Variants in CTDSPL2 observed in about 807,000 individuals in gnomAD.
CTDSPL2 encodes the protein CTD small phosphatase like 2.
In CTDSPL2, 5 loss-of-function variants were observed where a neutral mutation model predicts 60.0. The observed-to-expected ratio is 0.08, with a 90% CI of 0.04 to 0.18. The LOEUF (loss-of-function observed/expected upper bound fraction) is 0.18, where lower values mean the gene tolerates loss of function less well. Among genes scored for constraint, CTDSPL2 ranks in the 10% least tolerant of loss-of-function variants. The probability of loss-of-function intolerance (pLI) is 1.00; values close to 1 mark genes in which losing one functional copy is unlikely to be tolerated. For synonymous variants in CTDSPL2, 186 were observed against 189.3 expected (o/e 0.98, Z 0.14); for missense variants, 370 against 548.8 (o/e 0.67, Z 3.26).
intron 2 of CTDSPL2, among the ~76,000 whole-genome samples, chr15:44,468,338 A>G (rs909737063): frequency 3.3e-5 from 5 of 151,032 alleles, no homozygotes; most frequent in African/African-American, 1.2e-4. Flanking sequence ...GTATTTATTA[A>G]TTTAATACTG....
rs117195420 is a variant in CTDSPL2, at chr15:44,498,478, C to T, written c.883-1249C>T. 2.6e-3 allele frequency among the ~76,000 whole-genome samples: 396 copies of T among 152,196 alleles called. 7 individuals carry two copies. The East Asian group carries it at 0.033, about 13-fold the overall frequency. On this transcript the variant is annotated intron_variant, in intron 7 of 12. Coordinates refer to ENST00000260327, the MANE Select transcript of CTDSPL2 (RefSeq NM_016396.3). The stretch of plus-strand genomic sequence containing the variant: ...TTGCAAGCGTGTAGTCCCAGCTACT[C>T]GGGAGGCCGAGAGAGGAGGATCCCT...
At chr15:44,445,660 T>C (rs1377270623) in intron 1 of CTDSPL2, among the ~76,000 whole-genome samples, 3 of 151,310 alleles carry the variant, frequency 2.0e-5, no homozygotes, top group Non-Finnish European at 4.4e-5. Flanking sequence ...TTTTTTGAGA[T>C]GGAGTCTCGC....
At chr15:44,515,120 G>T (rs551107408) in intron 10 of CTDSPL2, among the ~76,000 whole-genome samples, 8 of 152,176 alleles carry the variant, frequency 5.3e-5, no homozygotes, top group South Asian at 2.1e-4. Context: ...GGTTGGGGGG[G>T]TTGTGTGGAA....
intron 1 of CTDSPL2, among the ~76,000 whole-genome samples, chr15:44,441,402 T>C (rs1273234842): frequency 6.6e-6 from 1 of 152,196 alleles, no homozygotes; most frequent in African/African-American, 2.4e-5. Flanking sequence ...AGAGGAGGGC[T>C]CTCTTCAGTC....
intron 2 of CTDSPL2, among the ~76,000 whole-genome samples, chr15:44,474,355 G>C (rs1398909016): frequency 1.3e-5 from 2 of 152,182 alleles, no homozygotes. Flanking sequence ...GCTGGGCATG[G>C]TGGTACACGC....
intron 8 of CTDSPL2, among the ~76,000 whole-genome samples, chr15:44,510,196 A>G (rs966298857): frequency 6.6e-6 from 1 of 151,930 alleles, no homozygotes; most frequent in Admixed American, 6.6e-5. Context: ...CAGGGTTTCA[A>G]CATGTTAGTC....
intron 1 of CTDSPL2, among the ~76,000 whole-genome samples, chr15:44,443,220 A>G (rs968322928): frequency 3.3e-5 from 5 of 152,208 alleles, no homozygotes; most frequent in Non-Finnish European, 1.5e-5. Flanking sequence ...TTCAACGTTC[A>G]TAATATATAT....
At chr15:44,459,275 C>T in intron 2 of CTDSPL2, 75 bp downstream of exon 2, 1 of 1,081,900 alleles carries the variant, frequency 9.2e-7, no homozygotes, top group Non-Finnish European at 1.3e-6. Context: ...CGCCTGTAAT[C>T]CCAGCACTTT....
At chr15:44,456,645 G>T (rs977084844) in intron 1 of CTDSPL2, among the ~76,000 whole-genome samples, 2 of 151,728 alleles carry the variant, frequency 1.3e-5, no homozygotes, top group African/African-American at 4.8e-5. Flanking sequence ...TTTCTTATTA[G>T]TCTTGCTAGC....
chr15:44,486,730 ATT>A (rs761822688), intron 4 of CTDSPL2, 30 bp downstream of exon 4: 1 of 1,247,410 alleles, frequency 8.0e-7, no homozygotes, highest in Non-Finnish European at 1.1e-6. Context: ...TGTGATTTGG[ATT>A]TTTTTTAAAA....
chr15:44,458,971 T>G lies in CTDSPL2; in HGVS notation c.-24-20T>G, dbSNP rs2080504888. Reference sequence around the variant, plus strand: ...AATAACTTTTAATTTTTTATTACATTTATTATTTTTCTCTTTTAGTTTTAC... The same window carrying G: ...AATAACTTTTAATTTTTTATTACATGTATTATTTTTCTCTTTTAGTTTTAC... On this transcript the variant is annotated intron_variant, in intron 1 of 12. Transcript: ENST00000260327. 2.1e-6 allele frequency: 3 copies of G among 1,399,540 alleles called. No individual in the cohort carries two copies. In the African/African-American group the frequency reaches 4.4e-5, roughly 21 times the overall value. 86.7% of individuals were successfully genotyped at this position (1,399,540 alleles called of 1,614,324 possible). A position where few individuals can be genotyped will look rare whatever the true frequency, so the allele number is the denominator to read the frequency against.
At chr15:44,445,606 T>C (rs1473745707) in intron 1 of CTDSPL2, among the ~76,000 whole-genome samples, 3 of 152,018 alleles carry the variant, frequency 2.0e-5, no homozygotes, top group Non-Finnish European at 4.4e-5. Context: ...AATTTTGAGC[T>C]CATACCAGCC....
chr15:44,492,881 A>G (rs545466843), intron 5 of CTDSPL2, among the ~76,000 whole-genome samples: 110 of 152,356 alleles, frequency 7.2e-4, no homozygotes, highest in African/African-American at 2.5e-3. Context: ...AATAAAGTAT[A>G]GACTAAAGTT....
chr15:44,447,123 T>C (rs958425334), intron 1 of CTDSPL2, among the ~76,000 whole-genome samples: 7 of 152,226 alleles, frequency 4.6e-5, no homozygotes, highest in Non-Finnish European at 2.9e-5. Context: ...ACTTCTGCTG[T>C]CTTCTCCCCT....
Position 44,519,764 on chromosome 15 carries a change from G to GT in CTDSPL2, c.1239+478dup, listed in dbSNP as rs994672557. The GT allele has an allele frequency of 2.7e-3, 398 of 149,496 alleles. 2 individuals are homozygous for GT. The highest frequency in any genetic ancestry group is 7.2e-3 in the African/African-American group (293 of 40,490). 9.3% of individuals were successfully genotyped at this position (149,496 alleles called of 1,614,324 possible). On this transcript the variant is annotated intron_variant, in intron 11 of 12. Transcript: ENST00000260327. ...CATCCTTCCTTCCTTTTGTTTTTTT[G>GT]TTTTTTTTTGTTTTTGTTTTTTGAG...
At chr15:44,473,601 C>G (rs563576297) in intron 2 of CTDSPL2, among the ~76,000 whole-genome samples, 4 of 151,918 alleles carry the variant, frequency 2.6e-5, no homozygotes, top group African/African-American at 7.2e-5. Context: ...AGCCGTATCC[C>G]TAGATTTTCT....
chr15:44,500,045 C>T (rs1000065786), intron 8 of CTDSPL2, among the ~76,000 whole-genome samples: 2 of 152,154 alleles, frequency 1.3e-5, no homozygotes, highest in Non-Finnish European at 2.9e-5. Context: ...CTTGAGATCT[C>T]AGCTAGTTTC....
intron 3 of CTDSPL2, 43 bp from the exon 4 acceptor site, chr15:44,486,508 C>T (rs183397704): frequency 7.4e-7 from 1 of 1,358,814 alleles, no homozygotes. Context: ...TTCTGAAATT[C>T]AGTGTTTTCT....
chr15:44,472,707 C>T (rs1474690471), intron 2 of CTDSPL2, among the ~76,000 whole-genome samples: 3 of 152,110 alleles, frequency 2.0e-5, no homozygotes, highest in Non-Finnish European at 2.9e-5. Context: ...ACTTTGTCAC[C>T]CGCTGGAGTG....
Sources: allele counts gnomAD v4.1 joint callset (sites outside exome capture counted in the v4.1 genomes callset), GRCh38; gene constraint gnomAD v4.1.1; transcripts MANE v1.5; gene names NCBI Gene and HGNC (gene_info 2026-07-23, HGNC 2026-07-21).